The following MUC7 variants were observed in gnomAD, a reference collection of about 807,000 sequenced individuals.
MUC7 encodes the protein mucin-7.
Under a neutral mutation model 2.5 loss-of-function variants are expected in MUC7, and 2 were observed. The ratio of observed to expected loss-of-function variants is 0.81; its 90% CI spans 0.33 to 2.55. MUC7 has a LOEUF of 2.55. MUC7 is among the 30% of genes most tolerant of loss of function. The pLI, the probability that MUC7 is intolerant of heterozygous loss-of-function variation, is 0.11. For missense variants in MUC7, 408 were observed against 455.6 expected (o/e 0.90, Z 0.95); for synonymous variants, 133 against 173.4 (o/e 0.77, Z 1.83).
At chr4:70,480,396 C>T (rs1310648456) in intron 2 of MUC7, among the ~76,000 whole-genome samples, 3 of 152,158 alleles carry the variant, frequency 2.0e-5, no homozygotes, top group Non-Finnish European at 4.4e-5. Context: ...GCTCCTGGAT[C>T]TCAGTTGAAT....
chr4:70,450,715 G>C (rs532808124), intron 1 of MUC7, among the ~76,000 whole-genome samples: 1 of 152,120 alleles, frequency 6.6e-6, no homozygotes, highest in Non-Finnish European at 1.5e-5. Flanking sequence ...GTTCCCTTCT[G>C]GCCCAGAGTG....
At chr4:70,458,303 A>G (rs1734462441) in intron 1 of MUC7, among the ~76,000 whole-genome samples, 1 of 152,110 alleles carries the variant, frequency 6.6e-6, no homozygotes, top group Non-Finnish European at 1.5e-5. Flanking sequence ...CCTCTTAGCA[A>G]CTAGGAACAG....
intron 1 of MUC7, among the ~76,000 whole-genome samples, chr4:70,444,845 A>C (rs532682966): frequency 2.6e-5 from 4 of 152,252 alleles, no homozygotes; most frequent in African/African-American, 9.6e-5. Context: ...TGAGGTCAGG[A>C]GTTCGAGACC....
chr4:70,468,481 C>T (rs1421420760), upstream of MUC7, among the ~76,000 whole-genome samples: 3 of 152,166 alleles, frequency 2.0e-5, no homozygotes, highest in Non-Finnish European at 4.4e-5. Context: ...TCTCTGTTTG[C>T]AGATGACATG....
intron 1 of MUC7, among the ~76,000 whole-genome samples, chr4:70,432,238 T>C (rs1733688184): frequency 1.3e-5 from 2 of 152,238 alleles, no homozygotes; most frequent in East Asian, 1.9e-4. Context: ...AGCAGCATGA[T>C]TTATAATCCT....
chr4:70,470,945 G>C (rs1294817456), upstream of MUC7, among the ~76,000 whole-genome samples: 4 of 152,150 alleles, frequency 2.6e-5, no homozygotes, highest in African/African-American at 9.7e-5. Flanking sequence ...TTGTAAAGTA[G>C]ATGTCACACC....
chr4:70,481,538 C>G lies in MUC7; in HGVS notation c.794C>G (p.Ser265Cys), dbSNP rs763387645. 24 of 1,611,054 alleles carry G rather than the reference C, an allele frequency of 1.5e-5. 1 individual carries two copies. In the South Asian group the frequency reaches 2.6e-4, roughly 18 times the overall value. The change falls in exon 3 of 3, where the codon TCT becomes TGT. Residue 265 changes from serine to cysteine, a missense_variant. Around this residue, in one of 3 missense-constraint regions of MUC7, gnomAD observed 175 missense variants for 187.1 expected, o/e 0.94. Transcript: ENST00000304887. ...PETTAVPPTP[S>C]ATTLDPSSAS... ...ACCACAGCTGTCCCACCCACACCTTCTGCAACTACCCTAGACCCATCATCC... is the reference window on the plus strand; with the variant it reads ...ACCACAGCTGTCCCACCCACACCTTGTGCAACTACCCTAGACCCATCATCC...
chr4:70,455,794 T>C (rs990544047), intron 1 of MUC7, among the ~76,000 whole-genome samples: 2 of 152,172 alleles, frequency 1.3e-5, no homozygotes, highest in Non-Finnish European at 2.9e-5. Flanking sequence ...CAACTCCGTA[T>C]ACTTTTAACA....
intron 2 of MUC7, among the ~76,000 whole-genome samples, chr4:70,476,539 C>G (rs1735006619): frequency 6.6e-6 from 1 of 152,130 alleles, no homozygotes; most frequent in Admixed American, 6.5e-5. Flanking sequence ...ACAGAAATAC[C>G]TTGACCTGAT....
intron 1 of MUC7, among the ~76,000 whole-genome samples, chr4:70,438,033 G>A (rs1295788186): frequency 6.6e-6 from 1 of 152,180 alleles, no homozygotes. Flanking sequence ...GCCTGTCCAG[G>A]CCTGGTTGTT....
At chr4:70,452,158 G>A (rs368825126) in intron 1 of MUC7, among the ~76,000 whole-genome samples, 5 of 152,246 alleles carry the variant, frequency 3.3e-5, no homozygotes, top group African/African-American at 1.2e-4. Flanking sequence ...TGGATGCAGT[G>A]TGTTTCTTGT....
In MUC7 at chr4:70,480,704, T is replaced by C. The variant is rs1735137289; in HGVS notation, c.55-95T>C. ...TGTACTCTGGTTTCTAATCCCAGCA[T>C]TCCACAAATACCGCTCATCTCATGG... On this transcript the variant is annotated intron_variant, in intron 2 of 2. Transcript: ENST00000304887. 3.9e-6 allele frequency: 5 copies of C among 1,296,412 alleles called. No individual in the cohort carries two copies. The Admixed American group carries it at 1.2e-4, about 31-fold the overall frequency. 80.3% of individuals were successfully genotyped at this position (1,296,412 alleles called of 1,614,324 possible).
At chr4:70,446,061 A>T (rs974584507) in intron 1 of MUC7, among the ~76,000 whole-genome samples, 1 of 152,098 alleles carries the variant, frequency 6.6e-6, no homozygotes, top group East Asian at 1.9e-4. Flanking sequence ...ACTCTAAGAG[A>T]TCTGGGAGGA....
At chr4:70,440,980 G>A (rs1030804690) in intron 1 of MUC7, among the ~76,000 whole-genome samples, 8 of 152,008 alleles carry the variant, frequency 5.3e-5, no homozygotes, top group Non-Finnish European at 1.2e-4. Context: ...TTGGGAGGCA[G>A]AAAAAAATTA....
intron 1 of MUC7, among the ~76,000 whole-genome samples, chr4:70,430,891 T>A (rs1733641401): frequency 6.6e-6 from 1 of 152,196 alleles, no homozygotes; most frequent in South Asian, 2.1e-4. Flanking sequence ...AAAAAATTCA[T>A]GAGATTTCAT....
chr4:70,450,867 G>A (rs1734262210), intron 1 of MUC7, among the ~76,000 whole-genome samples: 1 of 152,126 alleles, frequency 6.6e-6, no homozygotes, highest in Non-Finnish European at 1.5e-5. Flanking sequence ...TCCTTAAATG[G>A]TAAGAAGGGG....
chr4:70,437,244 G>C (rs1733868183), intron 1 of MUC7, among the ~76,000 whole-genome samples: 1 of 152,200 alleles, frequency 6.6e-6, no homozygotes, highest in Admixed American at 6.5e-5. Flanking sequence ...GAGCTGTCAG[G>C]CAGGGACGTT....
chr4:70,434,196 T>C (rs1577895591), intron 1 of MUC7, among the ~76,000 whole-genome samples: 1 of 152,148 alleles, frequency 6.6e-6, no homozygotes, highest in East Asian at 1.9e-4. Context: ...TTTTGTTGTG[T>C]CTCTGCCAGG....
intron 1 of MUC7, among the ~76,000 whole-genome samples, chr4:70,460,804 G>A (rs924885131): frequency 6.6e-6 from 1 of 152,130 alleles, no homozygotes; most frequent in African/African-American, 2.4e-5. Context: ...TTGTCATATG[G>A]GGGCTGTGGT....
Sources: allele counts gnomAD v4.1 joint callset (sites outside exome capture counted in the v4.1 genomes callset), GRCh38; gene constraint gnomAD v4.1.1; regional missense constraint gnomAD v4.1.1; transcripts MANE v1.5; gene names NCBI Gene and HGNC (gene_info 2026-07-23, HGNC 2026-07-21).